The following CEP170B variants were observed in gnomAD, a reference collection of about 807,000 sequenced individuals.
CEP170B encodes the protein centrosomal protein 170B.
In CEP170B, 55 loss-of-function variants were observed where a neutral mutation model predicts 120.6. That is an observed-to-expected ratio of 0.46 (90% CI 0.37 to 0.57). The LOEUF is 0.57. CEP170B is among the 20% of genes least tolerant of loss of function. The pLI is 0.00. For synonymous variants in CEP170B, 1,033 were observed against 954.5 expected (o/e 1.08, Z -1.52); for missense variants, 2,212 against 2,253.3 (o/e 0.98, Z 0.37).
chr14:104,866,147 C>G (rs1461970178), intron 1 of CEP170B, among the ~76,000 whole-genome samples: 1 of 152,212 alleles, frequency 6.6e-6, no homozygotes, highest in Non-Finnish European at 1.5e-5. Flanking sequence ...AGCCCAGCCC[C>G]GAGGCAGCCG....
rs1281236489 is a variant in CEP170B at position 104,896,607 on chromosome 14, G to A, written c.*1649G>A. 4.4e-6 allele frequency: 2 copies of A among 456,166 alleles called. No homozygotes were observed. The highest frequency in any genetic ancestry group is 8.8e-6 in the Non-Finnish European group (2 of 226,948). 28.3% of individuals were successfully genotyped at this position (456,166 alleles called of 1,614,324 possible). ...CCCCTCCAGCCTTTGCCTGGGAACTGGTCCTTGTTTGCCGGGCTTCTCGGA... is the reference window on the plus strand; with the variant it reads ...CCCCTCCAGCCTTTGCCTGGGAACTAGTCCTTGTTTGCCGGGCTTCTCGGA... On this transcript the variant is annotated 3_prime_UTR_variant, in exon 19 of 19. Coordinates refer to ENST00000414716, the MANE Select transcript of CEP170B (RefSeq NM_001112726.3).
At chr14:104,889,517 A>G (rs777827603) in intron 12 of CEP170B, 103 bp from the exon 13 acceptor site, 9 of 1,577,316 alleles carry the variant, frequency 5.7e-6, no homozygotes, top group Non-Finnish European at 7.7e-6. Context: ...TCACCAAGAC[A>G]CGAGGCGCCG....
At chr14:104,890,566 G>GTGGATGGATGGATGGA (rs754563532) in intron 13 of CEP170B, among the ~76,000 whole-genome samples, 20 of 78,136 alleles carry the variant, frequency 2.6e-4, no homozygotes, top group African/African-American at 1.1e-3. Context: ...GGGTGGGTGG[G>GTGGATGGATGGATGGA]TGGATGGATG....
At position 104,887,226 on chromosome 14, in the gene CEP170B, G is replaced by A; in HGVS notation, c.2987G>A (p.Gly996Glu). 6.2e-7 allele frequency: 1 copy of A among 1,606,054 alleles called. No individual in the cohort carries two copies. The highest frequency in any genetic ancestry group is 8.5e-7 in the Non-Finnish European group (1 of 1,179,622). ...TCCCCGCCAGCTGCACAGGACCCGG[G>A]AGGCACCGCCCTGGTCAGTGCCCGT... ...SPSPPAAQDP[G>E]GTALVSAREQ... The change falls in exon 12 of 19, where the codon GGA becomes GAA. Residue 996 changes from glycine to glutamate, a missense_variant. Gly to Glu is a moderately conservative substitution (Grantham distance 98). Transcript: ENST00000414716.
At chr14:104,873,227 C>G (rs1214425658) in intron 2 of CEP170B, among the ~76,000 whole-genome samples, 2 of 97,594 alleles carry the variant, frequency 2.0e-5, no homozygotes, top group Non-Finnish European at 3.9e-5. Context: ...CAGCTGGGCT[C>G]GGGGTGTTAA....
intron 2 of CEP170B, among the ~76,000 whole-genome samples, chr14:104,873,562 C>T (rs985460665): frequency 1.3e-5 from 2 of 151,968 alleles, no homozygotes; most frequent in Non-Finnish European, 1.5e-5. Flanking sequence ...GTGGGTGAAC[C>T]CTCCAGGGAA....
chr14:104,874,144 G>GCTT (rs1018676805), intron 2 of CEP170B, among the ~76,000 whole-genome samples: 2 of 152,174 alleles, frequency 1.3e-5, no homozygotes, highest in African/African-American at 4.8e-5. Context: ...CTCAGGACGG[G>GCTT]CTTCTTGGAG....
rs1418182791 is a variant in CEP170B, at chr14:104,886,119, C to T, written c.2024C>T (p.Pro675Leu). 15 of 1,541,364 alleles carry T rather than the reference C, an allele frequency of 9.7e-6. No homozygotes were observed. The highest frequency in any genetic ancestry group is 6.0e-5 in the South Asian group (5 of 83,788). The change falls in exon 11 of 19, where the codon CCG (proline) becomes CTG (leucine). Residue 675 changes from proline (P) to leucine (L), a missense_variant. This residue lies in a region of CEP170B where 2,166 missense variants were observed against 2,166.7 expected (regional missense o/e 1.00). Coordinates refer to ENST00000414716, the MANE Select transcript of CEP170B (RefSeq NM_001112726.3). ...AGCCTGGCTGACAGCTACTCAGACCCGGGCCTCACAGGTAAGTGGCTCCAG... is the reference window on the plus strand; with the variant it reads ...AGCCTGGCTGACAGCTACTCAGACCTGGGCCTCACAGGTAAGTGGCTCCAG... ...WASLADSYSDPGLTEDGLGRR... is the reference protein window; with the variant it reads ...WASLADSYSDLGLTEDGLGRR...
chr14:104,877,831 C>T, intron 3 of CEP170B, 54 bp from the exon 4 acceptor site: 1 of 534,822 alleles, frequency 1.9e-6, no homozygotes, highest in Non-Finnish European at 3.1e-6. Context: ...GCCCTGCCCA[C>T]AGCCACCCAC....
At position 104,892,071 on chromosome 14, in the gene CEP170B, A is replaced by C. The variant is rs538152953; in HGVS notation, c.3879-905A>C. ...GTGGTCTGTTCCTTGGGTGACTGCC[A>C]GTGTGGGGGCCGAGGAGGCTTGGGG... is the stretch of plus-strand genomic sequence containing the variant. On this transcript the variant is annotated intron_variant, in intron 13 of 18. Coordinates refer to ENST00000414716, the MANE Select transcript of CEP170B (RefSeq NM_001112726.3). Among the ~76,000 whole-genome samples the C allele has an allele frequency of 3.9e-5, 6 of 151,994 alleles. No individual in the cohort carries two copies. The Middle Eastern group carries it at 0.014, about 345-fold the overall frequency.
chr14:104,887,287 C>A lies in CEP170B; in HGVS notation c.3048C>A (p.Gly1016=), dbSNP rs1435051620. 1 of 1,608,898 alleles carries A rather than the reference C, an allele frequency of 6.2e-7. No individual in the cohort carries two copies. The highest frequency in any genetic ancestry group is 2.2e-5 in the East Asian group (1 of 44,816). Residue 1016 remains glycine (G), a synonymous_variant, in exon 12 of 19, where the codon GGC becomes GGA. Coordinates refer to ENST00000414716, the MANE Select transcript of CEP170B (RefSeq NM_001112726.3). Reference sequence around the variant, plus strand: ...CAGAGAGGCAGCATCACCCACTTGGCCCGACGGACATGGGCCGTGGAGAGC... The same window carrying A: ...CAGAGAGGCAGCATCACCCACTTGGACCGACGGACATGGGCCGTGGAGAGC... ...QSSERQHHPL[G]PTDMGRGEPV...
chr14:104,887,807 C>G lies in CEP170B; in HGVS notation c.3568C>G (p.Pro1190Ala), dbSNP rs901026651. Residue 1190 changes from proline (P) to alanine (A), a missense_variant, in exon 12 of 19, where the codon CCT (proline) becomes GCT (alanine). This residue lies in a region of CEP170B where 2,166 missense variants were observed against 2,166.7 expected (regional missense o/e 1.00). Coordinates refer to ENST00000414716, the MANE Select transcript of CEP170B (RefSeq NM_001112726.3). ...FTGTSDPEAA[P>A]ARTSFSGRSV... ...AGGGACTAGTGACCCCGAGGCAGCC[C>G]CTGCCCGCACCAGCTTCTCTGGCCG... 5.0e-6 allele frequency: 8 copies of G among 1,586,884 alleles called. No individual in the cohort carries two copies. The Admixed American group carries it at 1.2e-4, about 24-fold the overall frequency.
In CEP170B at chr14:104,887,978, A is replaced by G. The variant is rs1377345256; in HGVS notation, c.3739A>G (p.Thr1247Ala). 6.7e-7 allele frequency: 1 copy of G among 1,494,028 alleles called. No homozygotes were observed. Among genetic ancestry groups the G allele is most frequent in the East Asian group, 2.4e-5 (1 of 41,274 alleles). The allele number at this position is 1,494,028 out of a possible 1,614,324, so 92.5% of individuals were successfully genotyped here. ...CTCAGGCAGTGCCCGATACACCTCC[A>G]GTGAGTGCCAGGGCGGGTGGGAGGC... The part of the protein sequence containing the change: ...ARSGSARYTS[T>A]TQTPRAGSSS... The change falls in exon 12 of 19, where the codon ACC becomes GCC. Residue 1247 changes from threonine to alanine, a missense_variant and splice_region_variant. Transcript: ENST00000414716.
chr14:104,875,589 G>A (rs1203680665), intron 2 of CEP170B, among the ~76,000 whole-genome samples: 2 of 152,116 alleles, frequency 1.3e-5, no homozygotes, highest in Non-Finnish European at 2.9e-5. Context: ...TCGCAGTGCT[G>A]TGTGGAGTGG....
At position 104,884,029 on chromosome 14, in the gene CEP170B, A is replaced by G. The variant is rs1043067523; in HGVS notation, c.1250A>G (p.Lys417Arg). 1 of 1,610,806 alleles carries G rather than the reference A, an allele frequency of 6.2e-7. No individual in the cohort carries two copies. Among genetic ancestry groups the G allele is most frequent in the African/African-American group, 1.3e-5 (1 of 75,032 alleles). The change falls in exon 9 of 19, where the codon AAG becomes AGG. Residue 417 changes from lysine to arginine, a missense_variant. Transcript: ENST00000414716. ...TTCGACGAGGACACACCCCGAAAGA[A>G]GCGCTCCCAGTCCTTCACGCACAGC... ...EFFDEDTPRKKRSQSFTHSPS... is the reference protein window; with the variant it reads ...EFFDEDTPRKRRSQSFTHSPS...
At position 104,867,683 on chromosome 14, in the gene CEP170B, G is replaced by A. The variant is rs1895267952; in HGVS notation, c.-27-741G>A. On this transcript the variant is annotated intron_variant, in intron 1 of 18. Transcript: ENST00000414716. This position sits in a 1 kb window ranked among gnomAD's most constrained non-coding sequence, Gnocchi z 5.4. ...CCCCGTTACCTCCCAGGCTGCCACG[G>A]GGCTCCCTGCCTGTCTACACCAGCC... 6.6e-6 allele frequency among the ~76,000 whole-genome samples: 1 copy of A among 152,094 alleles called. No individual in the cohort carries two copies. Among genetic ancestry groups the A allele is most frequent in the Non-Finnish European group, 1.5e-5 (1 of 68,016 alleles).
intron 2 of CEP170B, among the ~76,000 whole-genome samples, chr14:104,874,032 ACT>A (rs1288862209): frequency 6.6e-6 from 1 of 152,006 alleles, no homozygotes; most frequent in African/African-American, 2.4e-5. Context: ...TCCAGGCTGC[ACT>A]CTCAGGCAGG....
chr14:104,875,026 C>T (rs1895764867), intron 2 of CEP170B, among the ~76,000 whole-genome samples: 1 of 152,234 alleles, frequency 6.6e-6, no homozygotes, highest in African/African-American at 2.4e-5. Flanking sequence ...GTTTCTAGCC[C>T]TTGCCCAGGG....
rs995873024 is a variant in CEP170B, at chr14:104,867,891, C to G, written c.-27-533C>G. On this transcript the variant is annotated intron_variant, in intron 1 of 18. Coordinates refer to ENST00000414716, the MANE Select transcript of CEP170B (RefSeq NM_001112726.3). This position sits in a 1 kb window ranked among gnomAD's most constrained non-coding sequence, Gnocchi z 5.4. ...AGGGCCCCTGTCTCCAGCTCTGTCC[C>G]TGCTGCCCCTCACCCCAGGCCCTGC... Among the ~76,000 whole-genome samples, 5 of 152,166 alleles carry G rather than the reference C, an allele frequency of 3.3e-5. No homozygotes were observed. Among genetic ancestry groups the G allele is most frequent in the Non-Finnish European group, 5.9e-5 (4 of 68,008 alleles).
Sources: gnomAD v4.1 joint callset for allele counts (sites outside exome capture counted in the v4.1 genomes callset) on GRCh38, gnomAD v4.1.1 for gene constraint, gnomAD v4.1.1 regional missense constraint, Gnocchi (gnomAD v3.1) non-coding constraint, MANE v1.5 for transcripts, NCBI Gene and HGNC (gene_info 2026-07-23, HGNC 2026-07-21) for gene names.